The following TRMT1 variants were observed in gnomAD, a reference collection of about 807,000 sequenced individuals.
TRMT1 encodes the protein tRNA methyltransferase 1, also known as tRNA (guanine(26)-N(2))-dimethyltransferase.
A neutral mutation model predicts 75.4 loss-of-function variants in TRMT1; 63 were observed. That is an observed-to-expected ratio of 0.84 (90% CI 0.68 to 1.03). The LOEUF is 1.03. Ranked by LOEUF, TRMT1 falls within the 50% of genes least tolerant of loss-of-function variation. TRMT1 has a pLI of 0.00. For missense variants in TRMT1, 870 were observed against 905.3 expected, an observed-to-expected ratio of 0.96 and a Z score of 0.50; for synonymous variants, 382 against 358.1, an observed-to-expected ratio of 1.07 and a Z score of -0.75.
chr19:13,106,578 C>A (rs1226560303), intron 14 of TRMT1, among the ~76,000 whole-genome samples: 1 of 149,446 alleles, frequency 6.7e-6, no homozygotes, highest in Non-Finnish European at 1.5e-5. Flanking sequence ...CAGGTTCAAG[C>A]GATTCACCTG....
chr19:13,113,473 A>T (rs1345738621), intron 5 of TRMT1, among the ~76,000 whole-genome samples: 1 of 151,908 alleles, frequency 6.6e-6, no homozygotes, highest in African/African-American at 2.4e-5. Flanking sequence ...TTGGTCATTT[A>T]TTAAACTGCA....
intron 12 of TRMT1, among the ~76,000 whole-genome samples, chr19:13,109,014 C>G (rs951694176): frequency 6.6e-6 from 1 of 151,012 alleles, no homozygotes; most frequent in East Asian, 1.9e-4. Flanking sequence ...ACTCCTGGCC[C>G]AAATGATCCT....
rs780362420 is a variant in TRMT1 at position 13,109,575 on chromosome 19, C to T, written c.1286G>A (p.Arg429Gln). The T allele has an allele frequency of 5.6e-6, 9 of 1,613,896 alleles. No individual in the cohort carries two copies. Among genetic ancestry groups the T allele is most frequent in the East Asian group, 2.2e-5 (1 of 44,876 alleles). The change falls in exon 11 of 17, where the codon CGA becomes CAA. Residue 429 changes from arginine (R) to glutamine (Q), a missense_variant. Arg to Gln is a conservative substitution (Grantham distance 43). Coordinates refer to ENST00000357720, the MANE Select transcript of TRMT1 (RefSeq NM_001136035.4). ...CTCAGTGATGACGCTCAGGACCCCT[C>T]GGATCCGCTCCGAGGTGTGGAAGCG... is the stretch of plus-strand genomic sequence containing the variant. ...PGRFHTSERI[R>Q]GVLSVITEEL...
chr19:13,115,791 G>A, intron 3 of TRMT1, 23 bp from the exon 4 acceptor site: 3 of 1,613,734 alleles, frequency 1.9e-6, no homozygotes, highest in South Asian at 1.1e-5. Context: ...AGAGGCACAA[G>A]TCAGAGAATA....
intron 7 of TRMT1, among the ~76,000 whole-genome samples, chr19:13,112,331 C>T (rs1371223001): frequency 2.0e-5 from 3 of 152,018 alleles, no homozygotes; most frequent in African/African-American, 7.3e-5. Context: ...CAAAAAAACC[C>T]GAGGACCAGA....
At chr19:13,115,181 G>A (rs1599958502) in intron 5 of TRMT1, 98 bp downstream of exon 5, 1 of 1,332,452 alleles carries the variant, frequency 7.5e-7, no homozygotes, top group Middle Eastern at 1.9e-4. Context: ...AAGAGGCTAA[G>A]TCACTCACTC....
Position 13,115,633 on chromosome 19 carries a change from A to C in TRMT1, c.446T>G (p.Ile149Ser). The change falls in exon 4 of 17, where the codon ATC (isoleucine) becomes AGC (serine). Residue 149 changes from isoleucine (I) to serine (S), a missense_variant. Coordinates refer to ENST00000357720, the MANE Select transcript of TRMT1 (RefSeq NM_001136035.4). The stretch of plus-strand genomic sequence containing the variant: ...CCTATGCTCAGGCCCCACCTCACAG[A>C]TCTCCCCCACGGCCGCTGTGCGAGG... ...DQPRTAAVGE[I>S]CEEGLHVLEG... 6.2e-7 allele frequency: 1 copy of C among 1,613,532 alleles called. No individual in the cohort carries two copies. The highest frequency in any genetic ancestry group is 8.5e-7 in the Non-Finnish European group (1 of 1,179,932).
chr19:13,109,731 AC>A, intron 10 of TRMT1, 37 bp downstream of exon 10: 2 of 1,613,560 alleles, frequency 1.2e-6, no homozygotes, highest in Non-Finnish European at 1.7e-6. Context: ...GACCTTCAAG[AC>A]CCTCTTGCTC....
Position 13,105,014 on chromosome 19 carries a change from T to C in TRMT1, c.1901A>G (p.Asp634Gly), listed in dbSNP as rs1308532795. ...GGTCTCTGGACAGTCAGGGGCAGCA[T>C]CAGCAGAAACCCTGGGTGTCGGGGG... Reference protein sequence around the residue: ...HSPPTPRVSADAAPDCPETSN... With the variant: ...HSPPTPRVSAGAAPDCPETSN... The change falls in exon 17 of 17, where the codon GAT becomes GGT. Residue 634 changes from aspartate to glycine, a missense_variant. By Grantham distance (94) the Asp-to-Gly change is moderately conservative. Coordinates refer to ENST00000357720, the MANE Select transcript of TRMT1 (RefSeq NM_001136035.4). 1.2e-6 allele frequency: 2 copies of C among 1,612,898 alleles called. No individual in the cohort carries two copies. Among genetic ancestry groups the C allele is most frequent in the Non-Finnish European group, 1.7e-6 (2 of 1,179,516 alleles).
intron 12 of TRMT1, 136 bp downstream of exon 12, chr19:13,109,245 A>T: frequency 1.0e-6 from 1 of 998,142 alleles, no homozygotes; most frequent in Non-Finnish European, 1.5e-6. Context: ...CTCCCAAGGT[A>T]CTGGGATTAC....
chr19:13,115,940 G>C, intron 3 of TRMT1, 57 bp downstream of exon 3: 1 of 1,613,314 alleles, frequency 6.2e-7, no homozygotes, highest in Non-Finnish European at 8.5e-7. Context: ...GAAGAGCCCA[G>C]GCAGGGAGAT....
At position 13,109,613 on chromosome 19, in the gene TRMT1, G is replaced by C; in HGVS notation, c.1248C>G (p.Ser416Arg). ...AGGTGTGGAAGCGGCCGGGGTTAGC[G>C]CTCACAGCCTCCAGGACACGGCCCA... ...DFVGRVLEAVSANPGRFHTSE... is the reference protein window; with the variant it reads ...DFVGRVLEAVRANPGRFHTSE... The change falls in exon 11 of 17, where the codon AGC becomes AGG. Residue 416 changes from serine (S) to arginine (R), a missense_variant. Coordinates refer to ENST00000357720, the MANE Select transcript of TRMT1 (RefSeq NM_001136035.4). The C allele has an allele frequency of 3.1e-6, 5 of 1,613,896 alleles. No individual in the cohort carries two copies. The highest frequency in any genetic ancestry group is 4.2e-6 in the Non-Finnish European group (5 of 1,179,986).
chr19:13,115,500 TC>T, intron 4 of TRMT1, 34 bp from the exon 5 acceptor site: 1 of 1,601,300 alleles, frequency 6.2e-7, no homozygotes, highest in Non-Finnish European at 8.5e-7. Flanking sequence ...CCCTCACATC[TC>T]CACCTCCATC....
chr19:13,107,525 T>C, intron 14 of TRMT1, 49 bp downstream of exon 14: 1 of 1,550,378 alleles, frequency 6.5e-7, no homozygotes, highest in African/African-American at 1.4e-5. Flanking sequence ...CACATGTGCT[T>C]CCATGTCTGT....
chr19:13,105,160 C>T lies in TRMT1; in HGVS notation c.1834-79G>A. On this transcript the variant is annotated intron_variant, in intron 16 of 16. Transcript: ENST00000357720. Reference sequence around the variant, plus strand: ...TGGGATCCTTTCCTGGGATGGGAAGCCCACTCCCAAACACTTGCCTGGCCC... The same window carrying T: ...TGGGATCCTTTCCTGGGATGGGAAGTCCACTCCCAAACACTTGCCTGGCCC... 22 of 1,549,382 alleles carry T rather than the reference C, an allele frequency of 1.4e-5. No individual in the cohort carries two copies. In the South Asian group the frequency reaches 2.6e-4, roughly 18 times the overall value.
chr19:13,115,684 C>T lies in TRMT1; in HGVS notation c.395G>A (p.Ser132Asn). The change falls in exon 4 of 17, where the codon AGT becomes AAT. Residue 132 changes from serine to asparagine, a missense_variant. Ser to Asn is a conservative substitution (Grantham distance 46). Coordinates refer to ENST00000357720, the MANE Select transcript of TRMT1 (RefSeq NM_001136035.4). Reference protein sequence around the residue: ...QEEEKVELKESENLASGDQPR... With the variant: ...QEEEKVELKENENLASGDQPR... ...TTGGTCTCCTGAGGCCAGGTTTTCA[C>T]TCTCTTTCAGTTCAACCTTTTCCTC... The T allele has an allele frequency of 3.1e-6, 5 of 1,614,038 alleles. No homozygotes were observed. Among genetic ancestry groups the T allele is most frequent in the East Asian group, 2.2e-5 (1 of 44,848 alleles).
rs74181811 is a variant in TRMT1, at chr19:13,108,912, ATTTTTTTTT to A, written c.1397+460_1397+468del. On this transcript the variant is annotated intron_variant, in intron 12 of 16. Coordinates refer to ENST00000357720, the MANE Select transcript of TRMT1 (RefSeq NM_001136035.4). Reference sequence around the variant, plus strand: ...GGCATGAGCCAATAAGCCTGGCCTAATTTTTTTTTTTTTTTTTTTTTTTTAAAGAGACAG... The same window carrying A: ...GGCATGAGCCAATAAGCCTGGCCTAATTTTTTTTTTTTTTTAAAGAGACAG... Among the ~76,000 whole-genome samples the A allele has an allele frequency of 4.8e-3, 603 of 126,082 alleles. 7 individuals carry two copies. The highest frequency in any genetic ancestry group is 0.018 in the African/African-American group (573 of 32,702). 82.7% of individuals were successfully genotyped at this position (126,082 alleles called of 152,430 possible).
intron 8 of TRMT1, 47 bp from the exon 9 acceptor site, chr19:13,110,048 C>A: frequency 6.2e-7 from 1 of 1,612,510 alleles, no homozygotes; most frequent in Non-Finnish European, 8.5e-7. Context: ...GACCACGACA[C>A]CCCAACTCCT....
rs549612555 is a variant in TRMT1, at chr19:13,112,766, C to T, written c.809G>A (p.Gly270Glu). 1 of 1,614,040 alleles carries T rather than the reference C, an allele frequency of 6.2e-7. No homozygotes were observed. The highest frequency in any genetic ancestry group is 2.2e-5 in the East Asian group (1 of 44,886). ...TDMAVLAGNS[G>E]ETCYSKYGAM... is the part of the protein sequence containing the mutation. ...CCCGTACTTGCTGTAGCACGTCTCCCCGCTGTTCCCCGCCAACACCGCCAT... is the reference window on the plus strand; with the variant it reads ...CCCGTACTTGCTGTAGCACGTCTCCTCGCTGTTCCCCGCCAACACCGCCAT... Residue 270 changes from glycine to glutamate, a missense_variant, in exon 7 of 17, where the codon GGG becomes GAG. Physicochemically the swap from Gly to Glu is moderately conservative, Grantham distance 98 (BLOSUM62 -2). Coordinates refer to ENST00000357720, the MANE Select transcript of TRMT1 (RefSeq NM_001136035.4).
Sources: gnomAD v4.1 joint callset for allele counts (sites outside exome capture counted in the v4.1 genomes callset) on GRCh38, gnomAD v4.1.1 for gene constraint, MANE v1.5 for transcripts, NCBI Gene and HGNC (gene_info 2026-07-23, HGNC 2026-07-21) for gene names.